Variants in BCAS4 observed in about 807,000 individuals in gnomAD.
BCAS4 encodes breast carcinoma-amplified sequence 4.
Under a neutral mutation model 15.7 loss-of-function variants are expected in BCAS4, and 9 were observed. That is an observed-to-expected ratio of 0.57 (90% CI 0.34 to 1.00). The LOEUF is 1.00. BCAS4 is among the 50% of genes least tolerant of loss of function. BCAS4 has a pLI of 0.02. For synonymous variants in BCAS4, 101 were observed against 99.5 expected (o/e 1.02, Z -0.09); for missense variants, 225 against 239.1 (o/e 0.94, Z 0.39).
At chr20:50,866,457 C>T (rs1254309966) in intron 4 of BCAS4, among the ~76,000 whole-genome samples, 1 of 152,214 alleles carries the variant, frequency 6.6e-6, no homozygotes, top group Non-Finnish European at 1.5e-5. Context: ...CTGCACCCTG[C>T]AGGAATGTGG....
intron 4 of BCAS4, among the ~76,000 whole-genome samples, chr20:50,869,430 C>T (rs555801407): frequency 2.6e-5 from 4 of 152,310 alleles, no homozygotes; most frequent in South Asian, 2.1e-4. Context: ...GTCCACCCCC[C>T]CTTTTGGGGT....
chr20:50,810,726 G>A (rs2088051165), intron 1 of BCAS4, among the ~76,000 whole-genome samples: 1 of 152,010 alleles, frequency 6.6e-6, no homozygotes, highest in Admixed American at 6.6e-5. Flanking sequence ...GAGTAGCTGG[G>A]ACTACAGCCG....
chr20:50,840,520 C>G, intron 3 of BCAS4: 1 of 1,387,500 alleles, frequency 7.2e-7, no homozygotes. Flanking sequence ...TTGATCCAAC[C>G]TCTTTGCATC....
intron 2 of BCAS4, among the ~76,000 whole-genome samples, chr20:50,821,940 C>T (rs537336978): frequency 3.3e-5 from 5 of 152,280 alleles, no homozygotes; most frequent in South Asian, 2.1e-4. Flanking sequence ...CCTCTCAGAA[C>T]ATTTATTTTT....
At chr20:50,879,441 T>G (rs1980074034), downstream of BCAS4, 1 of 152,366 alleles carries the variant, frequency 6.6e-6, no homozygotes, top group Non-Finnish European at 1.5e-5. Flanking sequence ...CGCTCGAATC[T>G]GGGAGGTGGA....
intron 4 of BCAS4, among the ~76,000 whole-genome samples, chr20:50,846,971 C>T (rs1041193720): frequency 6.6e-6 from 1 of 152,044 alleles, no homozygotes; most frequent in Non-Finnish European, 1.5e-5. Flanking sequence ...CTGACTGAGT[C>T]AGTGAGCCGG....
chr20:50,875,294 C>A (rs1459245030), intron 4 of BCAS4, among the ~76,000 whole-genome samples: 1 of 151,882 alleles, frequency 6.6e-6, no homozygotes, highest in South Asian at 2.1e-4. Flanking sequence ...CTGCAGGAGC[C>A]CGCCAGCCAG....
intron 1 of BCAS4, among the ~76,000 whole-genome samples, chr20:50,796,092 A>G (rs1246277625): frequency 6.6e-6 from 1 of 151,664 alleles, no homozygotes; most frequent in Non-Finnish European, 1.5e-5. Context: ...TTAAAAAAAA[A>G]TCTATCTCGC....
chr20:50,863,554 G>A (rs549247930), intron 4 of BCAS4, among the ~76,000 whole-genome samples: 6 of 152,218 alleles, frequency 3.9e-5, no homozygotes, highest in South Asian at 2.1e-4. Flanking sequence ...CATCACACCC[G>A]GCCTAGTTGG....
At position 50,830,295 on chromosome 20, in the gene BCAS4, C is replaced by T; in HGVS notation, c.179C>T (p.Ser60Leu). 1 of 1,613,878 alleles carries T rather than the reference C, an allele frequency of 6.2e-7. No individual in the cohort carries two copies. The highest frequency in any genetic ancestry group is 8.5e-7 in the Non-Finnish European group (1 of 1,179,810). Residue 60 changes from serine to leucine, a missense_variant, in exon 3 of 5, where the codon TCA becomes TTA. By Grantham distance (145) the Ser-to-Leu change is moderately radical. Transcript: ENST00000371608. Reference sequence around the variant, plus strand: ...TCCTTGCAGATCAGGAGTGATACTTCACAGATCCTGGAGGAAAACATCCCA... The same window carrying T: ...TCCTTGCAGATCAGGAGTGATACTTTACAGATCCTGGAGGAAAACATCCCA... ...SLADLIRSDTSQILEENIPVL... is the reference protein window; with the variant it reads ...SLADLIRSDTLQILEENIPVL...
chr20:50,838,853 AAAAC>A (rs749012765), intron 3 of BCAS4, among the ~76,000 whole-genome samples: 23 of 152,174 alleles, frequency 1.5e-4, no homozygotes, highest in East Asian at 3.9e-4. Context: ...TAAAAAAAAC[AAAAC>A]AAACAAACAA....
intron 4 of BCAS4, among the ~76,000 whole-genome samples, chr20:50,859,982 A>G (rs892657856): frequency 6.6e-6 from 1 of 152,132 alleles, no homozygotes; most frequent in Non-Finnish European, 1.5e-5. Flanking sequence ...CTCAAAAGAA[A>G]AGAATTAGTT....
intron 4 of BCAS4, among the ~76,000 whole-genome samples, chr20:50,862,949 G>A (rs1189164904): frequency 1.3e-5 from 2 of 152,050 alleles, no homozygotes; most frequent in Admixed American, 6.6e-5. Context: ...TTGTGCCTCA[G>A]CCTCCTGAGT....
At chr20:50,864,342 G>C (rs1458626600) in intron 4 of BCAS4, among the ~76,000 whole-genome samples, 1 of 152,034 alleles carries the variant, frequency 6.6e-6, no homozygotes, top group Admixed American at 6.6e-5. Flanking sequence ...GCTATAAAAT[G>C]GGATCACCAT....
At chr20:50,811,426 G>T (rs1487856369) in intron 1 of BCAS4, among the ~76,000 whole-genome samples, 1 of 152,120 alleles carries the variant, frequency 6.6e-6, no homozygotes, top group East Asian at 1.9e-4. Context: ...TATATAGTTT[G>T]TTGGCTTTTA....
chr20:50,878,795 T>C (rs767341378), downstream of BCAS4: 2 of 152,196 alleles, frequency 1.3e-5, no homozygotes, highest in Non-Finnish European at 2.9e-5. Flanking sequence ...TATTGAAGTA[T>C]AATTTATATT....
At chr20:50,857,274 G>A (rs141118505) in intron 4 of BCAS4, among the ~76,000 whole-genome samples, 98 of 152,286 alleles carry the variant, frequency 6.4e-4, no homozygotes, top group Non-Finnish European at 7.5e-4. Context: ...TGGGATTACA[G>A]GCATGCGCCA....
intron 3 of BCAS4, among the ~76,000 whole-genome samples, chr20:50,835,716 G>A (rs1478058731): frequency 6.6e-6 from 1 of 152,058 alleles, no homozygotes; most frequent in Non-Finnish European, 1.5e-5. Flanking sequence ...GGCTGTCACA[G>A]ACCTTACTCT....
chr20:50,871,793 C>G (rs958740038), intron 4 of BCAS4, among the ~76,000 whole-genome samples: 4 of 152,130 alleles, frequency 2.6e-5, no homozygotes, highest in Non-Finnish European at 5.9e-5. Context: ...GCATCCCTGT[C>G]CCAGTAGCAA....
Sources: allele counts gnomAD v4.1 joint callset (sites outside exome capture counted in the v4.1 genomes callset), GRCh38; gene constraint gnomAD v4.1.1; transcripts MANE v1.5; gene names NCBI Gene and HGNC (gene_info 2026-07-23, HGNC 2026-07-21).